The following OTC variants were observed in gnomAD, a reference collection of about 807,000 sequenced individuals.
OTC encodes ornithine transcarbamylase, mitochondrial.
Under a neutral mutation model 30.3 loss-of-function variants are expected in OTC, and 3 were observed. The observed-to-expected ratio is 0.10, with a 90% confidence interval of 0.05 to 0.26. OTC has a LOEUF of 0.26. OTC is among the 10% of genes least tolerant of loss of function. The pLI, the probability that OTC is intolerant of heterozygous loss-of-function variation, is 1.00. For missense variants in OTC, 194 were observed against 260.3 expected (o/e 0.75, Z 1.75); for synonymous variants, 111 against 99.7 (o/e 1.11, Z -0.67).
At chrX:38,359,367 T>C (rs1202633464) in intron 1 of OTC, among the ~76,000 whole-genome samples, 2 of 111,281 alleles carry the variant, frequency 1.8e-5, no homozygotes, top group Non-Finnish European at 3.8e-5. Flanking sequence ...TCAGGCCTTG[T>C]GTTCAGCCTG....
intron 6 of OTC, 106 bp from the exon 7 acceptor site, chrX:38,408,636 C>G: frequency 1.8e-6 from 1 of 552,969 alleles, no homozygotes; most frequent in South Asian, 2.9e-5. Context: ...GGGACCACAT[C>G]TTGAAAAAGG....
At chrX:38,361,985 A>C (rs910129628) in intron 1 of OTC, among the ~76,000 whole-genome samples, 6 of 111,794 alleles carry the variant, frequency 5.4e-5, no homozygotes, top group Non-Finnish European at 7.5e-5. Context: ...GTGTTTAAAA[A>C]AAAAACAGTT....
upstream of OTC, among the ~76,000 whole-genome samples, chrX:38,348,442 T>C (rs2068199331): frequency 9.0e-6 from 1 of 111,655 alleles, no homozygotes; most frequent in African/African-American, 3.3e-5. Context: ...GCTTCAATAT[T>C]TCTTTCCAAA....
At chrX:38,366,506 T>C (rs1340131391) in intron 1 of OTC, among the ~76,000 whole-genome samples, 1 of 112,052 alleles carries the variant, frequency 8.9e-6, no homozygotes, top group Non-Finnish European at 1.9e-5. Context: ...GCATTACAAA[T>C]GCTGCTTGTA....
At chrX:38,389,987 CTG>C (rs1249073244) in intron 4 of OTC, among the ~76,000 whole-genome samples, 1 of 112,021 alleles carries the variant, frequency 8.9e-6, no homozygotes, top group Non-Finnish European at 1.9e-5. Context: ...TTGGCTATCT[CTG>C]TGGTTTTCCT....
the OTC span, among the ~76,000 whole-genome samples, chrX:38,339,616 A>G: frequency 9.2e-6 from 1 of 109,008 alleles, no homozygotes; most frequent in Non-Finnish European, 1.9e-5. Flanking sequence ...ATTGAATATG[A>G]AACTTTTACA....
intron 1 of OTC, among the ~76,000 whole-genome samples, chrX:38,362,830 T>G (rs1281515729): frequency 8.9e-6 from 1 of 111,945 alleles, no homozygotes; most frequent in Non-Finnish European, 1.9e-5. Flanking sequence ...AAAGGTAAGG[T>G]ATTGTTGGTC....
intron 3 of OTC, among the ~76,000 whole-genome samples, chrX:38,371,433 G>T (rs1357103787): frequency 9.0e-6 from 1 of 111,425 alleles, no homozygotes; most frequent in Non-Finnish European, 1.9e-5. Context: ...AATCAGACAG[G>T]GTCAAGGAGG....
chrX:38,392,448 T>C (rs1359747663), intron 4 of OTC, among the ~76,000 whole-genome samples: 2 of 112,117 alleles, frequency 1.8e-5, no homozygotes, highest in African/African-American at 6.5e-5. Context: ...GATGGAGAGC[T>C]CTATAAATCC....
At chrX:38,329,116 G>A in the OTC span, among the ~76,000 whole-genome samples, 3 of 111,717 alleles carry the variant, frequency 2.7e-5, no homozygotes. Flanking sequence ...ATACAGTAAG[G>A]CACATTTTGG....
At chrX:38,382,718 C>A (rs1451595087) in intron 4 of OTC, among the ~76,000 whole-genome samples, 4 of 112,229 alleles carry the variant, frequency 3.6e-5, no homozygotes, top group Non-Finnish European at 7.5e-5. Flanking sequence ...ATATTACAAG[C>A]TGATCAAGGG....
chrX:38,329,713 A>G, the OTC span, among the ~76,000 whole-genome samples: 3 of 111,477 alleles, frequency 2.7e-5, no homozygotes, highest in Non-Finnish European at 3.8e-5. Context: ...GCTTTCCACA[A>G]CCAATCAGAT....
chrX:38,376,467 T>C (rs753879719), intron 3 of OTC, among the ~76,000 whole-genome samples: 1 of 111,607 alleles, frequency 9.0e-6, no homozygotes, highest in Admixed American at 9.5e-5. Flanking sequence ...CTATGCTTAA[T>C]AGAAAGGAAA....
chrX:38,385,691 A>G (rs1325620041), intron 4 of OTC, among the ~76,000 whole-genome samples: 4 of 112,289 alleles, frequency 3.6e-5, no homozygotes, highest in Non-Finnish European at 7.5e-5. Context: ...AGCACCTTAC[A>G]GATTGGTCCT....
intron 6 of OTC, among the ~76,000 whole-genome samples, chrX:38,406,363 A>C (rs779473491): frequency 9.4e-4 from 106 of 112,353 alleles, no homozygotes; most frequent in Non-Finnish European, 1.0e-3. Context: ...TTGCTCCATA[A>C]ACTATCAATA....
chrX:38,333,823 G>A, the OTC span, among the ~76,000 whole-genome samples: 1 of 112,529 alleles, frequency 8.9e-6, no homozygotes, highest in Non-Finnish European at 1.9e-5. Flanking sequence ...AAACAGGTGT[G>A]TCTCTACAAA....
At chrX:38,382,230 G>C (rs901300252) in intron 4 of OTC, among the ~76,000 whole-genome samples, 2 of 111,766 alleles carry the variant, frequency 1.8e-5, no homozygotes, top group African/African-American at 6.5e-5. Flanking sequence ...AGGGAGAGAC[G>C]GGGAAAGGCT....
chrX:38,387,723 C>A (rs1439643557), intron 4 of OTC, among the ~76,000 whole-genome samples: 3 of 111,764 alleles, frequency 2.7e-5, no homozygotes, highest in Non-Finnish European at 5.6e-5. Context: ...AAAAAAGGTG[C>A]ATGAGGTAAA....
At chrX:38,340,892 G>T in the OTC span, among the ~76,000 whole-genome samples, 8 of 110,096 alleles carry the variant, frequency 7.3e-5, no homozygotes, top group Admixed American at 1.9e-4. Context: ...TGCCTCCCGG[G>T]TTCAAGCAAT....
Sources: gnomAD v4.1 joint callset for allele counts (sites outside exome capture counted in the v4.1 genomes callset) on GRCh38, gnomAD v4.1.1 for gene constraint, MANE v1.5 for transcripts, NCBI Gene and HGNC (gene_info 2026-07-23, HGNC 2026-07-21) for gene names.